The following TTC28 variants were observed in gnomAD, a reference collection of about 807,000 sequenced individuals.
TTC28 encodes tetratricopeptide repeat domain 28.
TTC28 carries 61 observed loss-of-function variants against 198.0 expected under a neutral mutation model. The ratio of observed to expected loss-of-function variants is 0.31; its 90% CI spans 0.25 to 0.38. The LOEUF (loss-of-function observed/expected upper bound fraction) is 0.38. Ranked by LOEUF, TTC28 falls within the 10% of genes least tolerant of loss-of-function variation. TTC28 has a pLI of 1.00. For missense variants in TTC28, 2,678 were observed against 3,164.0 expected (o/e 0.85, Z 3.69); for synonymous variants, 1,171 against 1,297.8 (o/e 0.90, Z 2.10).
At chr22:28,626,200 T>C (rs9625514) in intron 2 of TTC28, among the ~76,000 whole-genome samples, 20,766 of 152,080 alleles carry the variant, frequency 0.14, 1,670 homozygotes, top group African/African-American at 0.2. Flanking sequence ...ATAAGGTACC[T>C]GCAGACTGAA....
intron 12 of TTC28, among the ~76,000 whole-genome samples, chr22:28,034,444 C>T (rs1448347436): frequency 6.6e-6 from 1 of 152,214 alleles, no homozygotes; most frequent in East Asian, 1.9e-4. Flanking sequence ...CTTGGCCACA[C>T]GATCGATTTC....
In TTC28 at chr22:28,098,989, G is replaced by A. The variant is rs1219850209; in HGVS notation, c.3473C>T (p.Thr1158Met). ...ETIRHEAQLS[T>M]DYKLSLFDLQ... Reference sequence around the variant, plus strand: ...GTCAAAGAGGGAGAGTTTGTAGTCCGTGCTCAGCTGTGCCTCATGTCGGAT... The same window carrying A: ...GTCAAAGAGGGAGAGTTTGTAGTCCATGCTCAGCTGTGCCTCATGTCGGAT... Residue 1158 changes from threonine (T) to methionine (M), a missense_variant, in exon 10 of 23, where the codon ACG becomes ATG. This residue lies in a region of TTC28 where 727 missense variants were observed against 861.9 expected (regional missense o/e 0.84). Coordinates refer to ENST00000397906, the MANE Select transcript of TTC28 (RefSeq NM_001145418.2). The A allele has an allele frequency of 7.7e-6, 12 of 1,551,826 alleles. No homozygotes were observed. Among genetic ancestry groups the A allele is most frequent in the African/African-American group, 2.7e-5 (2 of 73,060 alleles).
intron 2 of TTC28, among the ~76,000 whole-genome samples, chr22:28,544,522 C>T (rs1027521717): frequency 6.6e-6 from 1 of 152,186 alleles, no homozygotes; most frequent in Admixed American, 6.5e-5. Flanking sequence ...CCCAGAGCAA[C>T]TCCATCTTGA....
Position 28,427,769 on chromosome 22 carries a change from CA to C in TTC28, c.382-121127del, listed in dbSNP as rs538159366. Among the ~76,000 whole-genome samples, 182 of 142,400 alleles carry C rather than the reference CA, an allele frequency of 1.3e-3. 2 individuals carry two copies. The South Asian group carries it at 0.023, about 18-fold the overall frequency. 93.4% of individuals were successfully genotyped at this position (142,400 alleles called of 152,430 possible). Reference sequence around the variant, plus strand: ...CCCCAAATACAAATGTTTATGTTATCAAAAAAAAAAAGAAGTCGAATTCAGG... The same window carrying C: ...CCCCAAATACAAATGTTTATGTTATCAAAAAAAAAAGAAGTCGAATTCAGG... On this transcript the variant is annotated intron_variant, in intron 2 of 22. Coordinates refer to ENST00000397906, the MANE Select transcript of TTC28 (RefSeq NM_001145418.2).
chr22:28,403,375 G>A (rs2046949437), intron 2 of TTC28, among the ~76,000 whole-genome samples: 1 of 152,206 alleles, frequency 6.6e-6, no homozygotes, highest in Non-Finnish European at 1.5e-5. Context: ...ATGTCCAGAA[G>A]AAGATGTGGC....
chr22:27,985,491 T>C, intron 21 of TTC28, 135 bp from the exon 22 acceptor site: 1 of 672,338 alleles, frequency 1.5e-6, no homozygotes, highest in Non-Finnish European at 2.5e-6. Flanking sequence ...GGCCTGGGGC[T>C]TCCCCATGTC....
chr22:28,637,178 TTTTTTG>T (rs945601248), intron 1 of TTC28, among the ~76,000 whole-genome samples: 1 of 151,988 alleles, frequency 6.6e-6, no homozygotes, highest in African/African-American at 2.4e-5. Flanking sequence ...CAGGCTAATT[TTTTTTG>T]TATTTTTAGT....
At chr22:28,384,099 C>T (rs1209906149) in intron 2 of TTC28, among the ~76,000 whole-genome samples, 4 of 152,208 alleles carry the variant, frequency 2.6e-5, no homozygotes, top group Non-Finnish European at 4.4e-5. Flanking sequence ...TTACTCTTTC[C>T]CCAGAAGCCA....
chr22:28,268,488 T>C (rs1037277547), intron 5 of TTC28, among the ~76,000 whole-genome samples: 8 of 152,228 alleles, frequency 5.3e-5, no homozygotes, highest in African/African-American at 9.6e-5. Context: ...TAATGATATA[T>C]GTAGGAACAA....
intron 13 of TTC28, among the ~76,000 whole-genome samples, chr22:28,025,650 G>A (rs1010277555): frequency 3.3e-5 from 5 of 152,232 alleles, no homozygotes; most frequent in Admixed American, 6.5e-5. Flanking sequence ...AGGCCAAGAT[G>A]AGAGGATCAC....
At chr22:28,534,358 A>G (rs1459114952) in intron 2 of TTC28, among the ~76,000 whole-genome samples, 2 of 152,198 alleles carry the variant, frequency 1.3e-5, no homozygotes, top group Non-Finnish European at 2.9e-5. Flanking sequence ...AAAAACCACA[A>G]TGAGATACCA....
chr22:28,466,257 C>T (rs1480712915), intron 2 of TTC28, among the ~76,000 whole-genome samples: 1 of 152,180 alleles, frequency 6.6e-6, no homozygotes, highest in Non-Finnish European at 1.5e-5. Flanking sequence ...TGAAGAGCAT[C>T]CACTAGAGAA....
chr22:28,114,243 TC>T (rs138659600), intron 6 of TTC28, among the ~76,000 whole-genome samples: 10,676 of 152,278 alleles, frequency 0.07, 429 homozygotes, highest in South Asian at 0.09. Context: ...CCAATCCTCC[TC>T]CTCATTGGGA....
At chr22:28,165,053 C>A (rs181542438) in intron 5 of TTC28, among the ~76,000 whole-genome samples, 61 of 152,114 alleles carry the variant, frequency 4.0e-4, no homozygotes, top group Admixed American at 4.0e-3. Flanking sequence ...GTAGCTGATG[C>A]GATCAACTGG....
intron 1 of TTC28, among the ~76,000 whole-genome samples, chr22:28,672,016 C>T (rs898154828): frequency 2.0e-5 from 3 of 149,908 alleles, no homozygotes; most frequent in Non-Finnish European, 4.4e-5. Context: ...AGAAATAAAC[C>T]ATTTAAAACT....
intron 12 of TTC28, among the ~76,000 whole-genome samples, chr22:28,082,183 A>C (rs1941391197): frequency 6.6e-6 from 1 of 152,312 alleles, no homozygotes; most frequent in East Asian, 1.9e-4. Context: ...TACATATAAG[A>C]TCATGTCATC....
At chr22:28,217,395 C>CA (rs2147194311) in intron 5 of TTC28, among the ~76,000 whole-genome samples, 1 of 152,282 alleles carries the variant, frequency 6.6e-6, no homozygotes, top group African/African-American at 2.4e-5. Context: ...TACATCAGTT[C>CA]AGCCAAGTCA....
chr22:28,043,528 G>C (rs947464901), intron 12 of TTC28, among the ~76,000 whole-genome samples: 5 of 152,030 alleles, frequency 3.3e-5, no homozygotes, highest in Non-Finnish European at 5.9e-5. Flanking sequence ...TGCACCTCCA[G>C]CTGCAAACTG....
At chr22:28,609,918 T>C (rs2050791529) in intron 2 of TTC28, among the ~76,000 whole-genome samples, 1 of 152,158 alleles carries the variant, frequency 6.6e-6, no homozygotes, top group African/African-American at 2.4e-5. Flanking sequence ...GTGTCCACCT[T>C]TGCTGAGGCT....
Sources: gnomAD v4.1 joint callset for allele counts (sites outside exome capture counted in the v4.1 genomes callset) on GRCh38, gnomAD v4.1.1 for gene constraint, gnomAD v4.1.1 regional missense constraint, MANE v1.5 for transcripts, NCBI Gene and HGNC (gene_info 2026-07-23, HGNC 2026-07-21) for gene names.